The following PRKACB variants were observed in gnomAD, a reference collection of about 807,000 sequenced individuals.
PRKACB encodes the protein cAMP-dependent protein kinase catalytic subunit beta.
A neutral mutation model predicts 51.4 loss-of-function variants in PRKACB; 16 were observed. The ratio of observed to expected loss-of-function variants is 0.31; its 90% CI spans 0.21 to 0.47. The LOEUF (loss-of-function observed/expected upper bound fraction) is 0.47. Ranked by LOEUF, PRKACB falls within the 20% of genes least tolerant of loss-of-function variation. The pLI, the probability that PRKACB is intolerant of heterozygous loss-of-function variation, is 1.00. For synonymous variants in PRKACB, 147 were observed against 154.4 expected (o/e 0.95, Z 0.35); for missense variants, 309 against 464.5 (o/e 0.67, Z 3.08).
chr1:84,182,443 T>TTG, intron 3 of PRKACB, 115 bp downstream of exon 3: 1 of 793,644 alleles, frequency 1.3e-6, no homozygotes, highest in Non-Finnish European at 1.7e-6. Context: ...ATTTTATTAT[T>TTG]AAATTTAATT....
chr1:84,093,138 T>G (rs921236491), intron 1 of PRKACB, among the ~76,000 whole-genome samples: 5 of 152,120 alleles, frequency 3.3e-5, no homozygotes, highest in African/African-American at 1.2e-4. Context: ...GTGTTTTGTT[T>G]GGCCTTCCTC....
chr1:84,136,357 C>CA (rs1652807644), intron 1 of PRKACB, among the ~76,000 whole-genome samples: 2 of 151,548 alleles, frequency 1.3e-5, no homozygotes, highest in African/African-American at 4.9e-5. Flanking sequence ...AAAAAGTAGG[C>CA]AAAAATCTGA....
chr1:84,099,028 G>T (rs1432923285), intron 1 of PRKACB, among the ~76,000 whole-genome samples: 1 of 152,020 alleles, frequency 6.6e-6, no homozygotes, highest in Non-Finnish European at 1.5e-5. Flanking sequence ...TGGGCTAAGG[G>T]TATGATCTTT....
At chr1:84,127,613 G>T (rs1051619248) in intron 1 of PRKACB, among the ~76,000 whole-genome samples, 2 of 151,884 alleles carry the variant, frequency 1.3e-5, no homozygotes, top group Admixed American at 6.6e-5. Context: ...TTTTTACTGT[G>T]TGAGATAAAT....
rs539821066 is a variant in PRKACB at position 84,163,710 on chromosome 1, G to T, written c.188-15467G>T. Among the ~76,000 whole-genome samples the T allele has an allele frequency of 6.6e-5, 10 of 152,010 alleles. No individual in the cohort carries two copies. In the South Asian group the frequency reaches 2.1e-3, roughly 31 times the overall value. Reference sequence around the variant, plus strand: ...TGTTTATGACTGCTCGATTTCCAGAGCCATGAAATCATTGTTTTTGATAAT... The same window carrying T: ...TGTTTATGACTGCTCGATTTCCAGATCCATGAAATCATTGTTTTTGATAAT... On this transcript the variant is annotated intron_variant, in intron 1 of 9. Coordinates refer to ENST00000370685, the MANE Select transcript of PRKACB (RefSeq NM_182948.4).
chr1:84,079,667 T>C (rs1214901542), intron 1 of PRKACB, among the ~76,000 whole-genome samples: 1 of 152,070 alleles, frequency 6.6e-6, no homozygotes, highest in Non-Finnish European at 1.5e-5. Flanking sequence ...TGTATGTTAT[T>C]TTATTATTAT....
rs192481910 is a variant in PRKACB at position 84,150,523 on chromosome 1, T to A, written c.187+5975T>A. On this transcript the variant is annotated intron_variant, in intron 1 of 9. Coordinates refer to ENST00000370685, the MANE Select transcript of PRKACB (RefSeq NM_182948.4). ...GAGGCGTTTGGGTCATGGGGGAGGATCTCTCATGAATGGCTTGGTGTCCTC... is the reference window on the plus strand; with the variant it reads ...GAGGCGTTTGGGTCATGGGGGAGGAACTCTCATGAATGGCTTGGTGTCCTC... 5.9e-4 allele frequency among the ~76,000 whole-genome samples: 90 copies of A among 152,108 alleles called. 3 individuals carry two copies. In the East Asian group the frequency reaches 0.017, roughly 28 times the overall value.
At chr1:84,082,462 AT>A (rs2100740577) in intron 1 of PRKACB, among the ~76,000 whole-genome samples, 1 of 152,272 alleles carries the variant, frequency 6.6e-6, no homozygotes, top group East Asian at 1.9e-4. Context: ...CATAAAACTA[AT>A]TTTATGTACT....
chr1:84,169,495 G>A (rs1658669314), intron 1 of PRKACB, among the ~76,000 whole-genome samples: 1 of 151,590 alleles, frequency 6.6e-6, no homozygotes, highest in South Asian at 2.1e-4. Context: ...TTGCAGAAAA[G>A]TAAATTAATA....
chr1:84,119,759 C>T (rs1477166108), intron 1 of PRKACB, among the ~76,000 whole-genome samples: 1 of 152,068 alleles, frequency 6.6e-6, no homozygotes, highest in Non-Finnish European at 1.5e-5. Context: ...ACACATATAG[C>T]ATAGCAAGGT....
At chr1:84,205,286 T>G (rs1304940615) in intron 8 of PRKACB, 11 of 976,138 alleles carry the variant, frequency 1.1e-5, no homozygotes, top group Non-Finnish European at 1.3e-5. Context: ...ATCATCTGTT[T>G]CAAAACTCAA....
At chr1:84,167,503 C>G (rs1571965439) in intron 1 of PRKACB, among the ~76,000 whole-genome samples, 1 of 151,510 alleles carries the variant, frequency 6.6e-6, no homozygotes, top group Admixed American at 6.6e-5. Flanking sequence ...TAGGTGATTT[C>G]TCTGTACTCC....
rs1557925157 is a variant in PRKACB, at chr1:84,098,122, G to A, written c.46+19751G>A. Among the ~76,000 whole-genome samples the A allele has an allele frequency of 2.6e-5, 4 of 151,930 alleles. No individual in the cohort carries two copies. The South Asian group carries it at 6.2e-4, about 24-fold the overall frequency. Reference sequence around the variant, plus strand: ...GAACACGTTTTTATATGCTTATTGGGTTATTCAGATATCCTTTTTTAGATG... The same window carrying A: ...GAACACGTTTTTATATGCTTATTGGATTATTCAGATATCCTTTTTTAGATG... On this transcript the variant is annotated intron_variant, in intron 1 of 8. Transcript: ENST00000370688.
intron 9 of PRKACB, among the ~76,000 whole-genome samples, chr1:84,222,823 C>G (rs540144907): frequency 5.3e-5 from 8 of 152,232 alleles, no homozygotes; most frequent in Admixed American, 5.2e-4. Flanking sequence ...CCTTTTAGCA[C>G]TGTGAATATA....
intron 8 of PRKACB, among the ~76,000 whole-genome samples, chr1:84,211,063 A>G (rs954806422): frequency 3.6e-4 from 54 of 151,852 alleles, no homozygotes; most frequent in Non-Finnish European, 4.4e-5. Context: ...GGATATGTCT[A>G]TGATTTGAAA....
At chr1:84,234,519 G>A (rs934395743) in intron 9 of PRKACB, among the ~76,000 whole-genome samples, 2 of 152,230 alleles carry the variant, frequency 1.3e-5, no homozygotes, top group Non-Finnish European at 2.9e-5. Context: ...CAGCCTCACT[G>A]CCACCTTGCA....
chr1:84,131,445 A>G (rs1652200149), intron 1 of PRKACB, among the ~76,000 whole-genome samples: 1 of 152,184 alleles, frequency 6.6e-6, no homozygotes, highest in African/African-American at 2.4e-5. Flanking sequence ...CAACTCTGCA[A>G]ATTTGCAGAT....
Position 84,173,420 on chromosome 1 carries a change from GAT to G in PRKACB, c.188-5754_188-5753del, listed in dbSNP as rs577688798. 3,306 of 1,281,588 alleles carry G rather than the reference GAT, an allele frequency of 2.6e-3. 7 individuals carry two copies. Among genetic ancestry groups the G allele is most frequent in the Non-Finnish European group, 3.4e-3 (3,103 of 916,050 alleles). The allele number at this position is 1,281,588 out of a possible 1,614,324, so 79.4% of individuals were successfully genotyped here. A position where few individuals can be genotyped will look rare whatever the true frequency, so the allele number is the denominator to read the frequency against. Reference sequence around the variant, plus strand: ...ATTATCGTAAGCTAAATTTTTATGAGATATTTTGTGGCAATTAGAATATTTTG... The same window carrying G: ...ATTATCGTAAGCTAAATTTTTATGAGATTTTGTGGCAATTAGAATATTTTG... On this transcript the variant is annotated intron_variant, in intron 1 of 9. Transcript: ENST00000370685.
In PRKACB at chr1:84,235,320, A is replaced by C; in HGVS notation, c.*15A>C. The C allele has an allele frequency of 6.2e-7, 1 of 1,613,916 alleles. No homozygotes were observed. The highest frequency in any genetic ancestry group is 8.5e-7 in the Non-Finnish European group (1 of 1,179,882). ...GTGAATTTTAAAGAGGAACAAGATGACATCTGAGCTCACACTCAGTGTTTG... is the reference window on the plus strand; with the variant it reads ...GTGAATTTTAAAGAGGAACAAGATGCCATCTGAGCTCACACTCAGTGTTTG... On this transcript the variant is annotated 3_prime_UTR_variant, in exon 10 of 10. Coordinates refer to ENST00000370685, the MANE Select transcript of PRKACB (RefSeq NM_182948.4).
Sources: gnomAD v4.1 joint callset for allele counts (sites outside exome capture counted in the v4.1 genomes callset) on GRCh38, gnomAD v4.1.1 for gene constraint, MANE v1.5 for transcripts, NCBI Gene and HGNC (gene_info 2026-07-23, HGNC 2026-07-21) for gene names.